Variants in LLGL2 observed in about 807,000 individuals in gnomAD.
The protein encoded by LLGL2 is LLGL2, scribble cell polarity complex component.
LLGL2 carries 81 observed loss-of-function variants against 123.2 expected under a neutral mutation model. That is an observed-to-expected ratio of 0.66 (90% CI 0.55 to 0.79). The LOEUF (loss-of-function observed/expected upper bound fraction) is 0.79. Among genes scored for constraint, LLGL2 ranks in the 30% least tolerant of loss-of-function variants. LLGL2 has a pLI of 0.00. For missense variants in LLGL2, 1,273 were observed against 1,414.6 expected (o/e 0.90, Z 1.61); for synonymous variants, 577 against 594.1 (o/e 0.97, Z 0.42).
At chr17:75,532,517 G>A (rs55691958) in intron 1 of LLGL2, 15,069 of 152,156 alleles carry the variant, frequency 0.099, 771 homozygotes, top group Non-Finnish European at 0.12. Flanking sequence ...TCTGCCTCCC[G>A]GGTTCAAGCA....
chr17:75,575,118 C>T lies in LLGL2; in HGVS notation c.*240C>T, dbSNP rs2055913412. 1.7e-6 allele frequency: 1 copy of T among 597,854 alleles called. No homozygotes were observed. The highest frequency in any genetic ancestry group is 3.0e-5 in the Admixed American group (1 of 33,890). 37.0% of individuals were successfully genotyped at this position (597,854 alleles called of 1,614,324 possible). On this transcript the variant is annotated 3_prime_UTR_variant, in exon 26 of 26. Transcript: ENST00000392550. Reference sequence around the variant, plus strand: ...CAATGTTGCACAGTTTTTATTGCTCCCATCCCTTTTTGTAGTGGGCTGGGT... The same window carrying T: ...CAATGTTGCACAGTTTTTATTGCTCTCATCCCTTTTTGTAGTGGGCTGGGT...
At chr17:75,548,881 T>C (rs2054546677) in intron 2 of LLGL2, among the ~76,000 whole-genome samples, 1 of 152,120 alleles carries the variant, frequency 6.6e-6, no homozygotes. Flanking sequence ...GGAGTGTAAT[T>C]GCTTCAAACG....
chr17:75,532,311 C>T (rs2053828941), intron 1 of LLGL2, among the ~76,000 whole-genome samples: 3 of 152,006 alleles, frequency 2.0e-5, no homozygotes, highest in African/African-American at 4.8e-5. Context: ...AGTACAGTGG[C>T]GCGATCTCAG....
chr17:75,571,026 AG>A lies in LLGL2; in HGVS notation c.2104del (p.Ala702LeufsTer22). 6.2e-7 allele frequency: 1 copy of A among 1,612,874 alleles called. No individual in the cohort carries two copies. The highest frequency in any genetic ancestry group is 8.5e-7 in the Non-Finnish European group (1 of 1,179,880). Reference protein sequence around the residue: ...MELAPVQRKIEARSAEDSFTG... With the variant: ...MELAPVQRKIXARSAEDSFTG... ...CTGGCGCCTGTGCAGCGCAAGATCGAGGCTCGCTCGGCAGAGGACTCCTTCA... is the reference window on the plus strand; with the variant it reads ...CTGGCGCCTGTGCAGCGCAAGATCGAGCTCGCTCGGCAGAGGACTCCTTCA... On this transcript the variant is annotated frameshift_variant, in exon 17 of 26. Coordinates refer to ENST00000392550, the MANE Select transcript of LLGL2 (RefSeq NM_001031803.2). LOFTEE classifies it high-confidence loss of function.
intron 1 of LLGL2, among the ~76,000 whole-genome samples, chr17:75,529,287 C>G (rs1376800295): frequency 6.6e-6 from 1 of 151,782 alleles, no homozygotes; most frequent in Admixed American, 6.5e-5. Flanking sequence ...ACCTCTGCCT[C>G]CCAGGTTCAA....
At chr17:75,542,143 T>C (rs7224904) in intron 1 of LLGL2, among the ~76,000 whole-genome samples, 136,080 of 151,848 alleles carry the variant, frequency 0.9, 61,387 homozygotes, top group Middle Eastern at 0.95. Context: ...CTGCCCAGAT[T>C]ACATGGGATC....
In LLGL2 at chr17:75,569,347, G is replaced by A; in HGVS notation, c.1581+22G>A. 5 of 1,579,860 alleles carry A rather than the reference G, an allele frequency of 3.2e-6. No homozygotes were observed. The South Asian group carries it at 4.4e-5, about 14-fold the overall frequency. ...GCAGGTAGCAGGCTGGGCTGGGGAGGGGGAGCTGGGGAGGAGTGGTCGATG... is the reference window on the plus strand; with the variant it reads ...GCAGGTAGCAGGCTGGGCTGGGGAGAGGGAGCTGGGGAGGAGTGGTCGATG... On this transcript the variant is annotated intron_variant, in intron 14 of 25. Transcript: ENST00000392550.
intron 2 of LLGL2, among the ~76,000 whole-genome samples, chr17:75,550,780 C>CAAAAAA (rs57482643): frequency 1.1e-5 from 1 of 94,676 alleles, no homozygotes; most frequent in African/African-American, 4.6e-5. Context: ...GACCCTGTCT[C>CAAAAAA]AAAAAAAAAA....
intron 21 of LLGL2, 101 bp downstream of exon 21, chr17:75,573,732 C>T (rs2055840756): frequency 1.5e-6 from 2 of 1,342,196 alleles, no homozygotes; most frequent in African/African-American, 1.5e-5. Context: ...GGCACCTCCC[C>T]ACGAGCTCAG....
chr17:75,543,591 T>TG, intron 2 of LLGL2, 90 bp downstream of exon 2: 1 of 1,005,744 alleles, frequency 9.9e-7, no homozygotes, highest in Non-Finnish European at 1.5e-6. Flanking sequence ...TGGATTAAGG[T>TG]ATAGCTCTTA....
In LLGL2 at chr17:75,569,267, A is replaced by G. The variant is rs1485480169; in HGVS notation, c.1523A>G (p.Gln508Arg). Residue 508 changes from glutamine (Q) to arginine (R), a missense_variant, in exon 14 of 26, where the codon CAG becomes CGG. Transcript: ENST00000392550. ...PYSDDPRLGI[Q>R]KIFLCKYSGY... ...AGTGATGACCCCCGGCTGGGCATCC[A>G]GAAGATCTTCCTCTGCAAGTACAGC... The G allele has an allele frequency of 4.3e-6, 7 of 1,613,546 alleles. No homozygotes were observed. The South Asian group carries it at 5.5e-5, about 13-fold the overall frequency.
In LLGL2 at chr17:75,558,256, A is replaced by T. The variant is rs1178458625; in HGVS notation, c.255+20A>T. 3.7e-6 allele frequency: 6 copies of T among 1,602,390 alleles called. No individual in the cohort carries two copies. The highest frequency in any genetic ancestry group is 1.7e-5 in the Admixed American group (1 of 59,950). On this transcript the variant is annotated intron_variant, in intron 4 of 25. Coordinates refer to ENST00000392550, the MANE Select transcript of LLGL2 (RefSeq NM_001031803.2). The surrounding 1 kb of genome is among the most constrained non-coding windows in gnomAD (Gnocchi z 4.0). ...GGCCAGGTGAGGGACCTGGGGTGGG[A>T]CAGGAAGCCACTTCCATGCCCTCCT...
chr17:75,568,300 A>C, intron 10 of LLGL2, 176 bp from the exon 11 acceptor site: 5 of 1,434,634 alleles, frequency 3.5e-6, no homozygotes, highest in Non-Finnish European at 4.5e-6. Flanking sequence ...ATGCAGAGCC[A>C]GGGCTACTGC....
rs2055892786 is a variant in LLGL2, at chr17:75,574,660, A to G, written c.3047A>G (p.Asn1016Ser). 6.2e-7 allele frequency: 1 copy of G among 1,611,660 alleles called. No individual in the cohort carries two copies. Among genetic ancestry groups the G allele is most frequent in the South Asian group, 1.1e-5 (1 of 91,026 alleles). The change falls in exon 25 of 26, where the codon AAT becomes AGT. Residue 1016 changes from asparagine to serine, a missense_variant. By Grantham distance (46) the Asn-to-Ser change is conservative. Transcript: ENST00000392550. ...HRAAVGCSLS[N>S]GGAE The stretch of plus-strand genomic sequence containing the variant: ...GCCGCCGTGGGGTGCAGCCTCAGCA[A>G]TGGCGGAGGTGGGGGCTCTGGGCTT...
Position 75,574,635 on chromosome 17 carries a change from G to T in LLGL2, c.3022G>T (p.Ala1008Ser). ...GAGCGGCAACTGGCGTTCACATCGAGCCGCCGTGGGGTGCAGCCTCAGCAA... is the reference window on the plus strand; with the variant it reads ...GAGCGGCAACTGGCGTTCACATCGATCCGCCGTGGGGTGCAGCCTCAGCAA... The part of the protein sequence containing the change: ...RGSGNWRSHR[A>S]AVGCSLSNGG... The change falls in exon 25 of 26, where the codon GCC (alanine) becomes TCC (serine). Residue 1008 changes from alanine to serine, a missense_variant. Coordinates refer to ENST00000392550, the MANE Select transcript of LLGL2 (RefSeq NM_001031803.2). 6.2e-7 allele frequency: 1 copy of T among 1,612,330 alleles called. No individual in the cohort carries two copies.
chr17:75,564,366 A>G lies in LLGL2; in HGVS notation c.895A>G (p.Ile299Val), dbSNP rs1486989000. 1 of 1,610,066 alleles carries G rather than the reference A, an allele frequency of 6.2e-7. No homozygotes were observed. ...LTTRQGLPFTIFQGGMPRASY... is the reference protein window; with the variant it reads ...LTTRQGLPFTVFQGGMPRASY... ...TGTGCCTGCCAGGTTGCCCTTCACC[A>G]TCTTCCAGGGTGGCATGCCACGGGC... The change falls in exon 10 of 26, where the codon ATC (isoleucine) becomes GTC (valine). Residue 299 changes from isoleucine (I) to valine (V), a missense_variant. Transcript: ENST00000392550. The surrounding 1 kb of genome is among the most constrained non-coding windows in gnomAD (Gnocchi z 4.9).
At chr17:75,540,077 G>A (rs1325575698) in intron 1 of LLGL2, among the ~76,000 whole-genome samples, 1 of 152,200 alleles carries the variant, frequency 6.6e-6, no homozygotes, top group Non-Finnish European at 1.5e-5. Flanking sequence ...GCTGTCTCTG[G>A]AGGCCATGTG....
chr17:75,572,664 CAAAAAAA>C (rs71161230), intron 19 of LLGL2, among the ~76,000 whole-genome samples: 3 of 83,356 alleles, frequency 3.6e-5, no homozygotes, highest in Non-Finnish European at 6.9e-5. Context: ...GATTCCGTCT[CAAAAAAA>C]AAAAAAAAAA....
rs574754081 is a variant in LLGL2 at position 75,549,932 on chromosome 17, G to T, written c.76-6114G>T. On this transcript the variant is annotated intron_variant, in intron 2 of 25. Transcript: ENST00000392550. The surrounding 1 kb of genome is among the most constrained non-coding windows in gnomAD (Gnocchi z 4.0). ...TACTCCAGGCTAACGTTGCAGTCTG[G>T]CGGCTTCTGCAAATCTTTGCTCTCC... 2.6e-5 allele frequency among the ~76,000 whole-genome samples: 4 copies of T among 152,346 alleles called. No individual in the cohort carries two copies. The highest frequency in any genetic ancestry group is 9.6e-5 in the African/African-American group (4 of 41,580).
Sources: allele counts gnomAD v4.1 joint callset (sites outside exome capture counted in the v4.1 genomes callset), GRCh38; gene constraint gnomAD v4.1.1; non-coding constraint Gnocchi (gnomAD v3.1); transcripts MANE v1.5; gene names NCBI Gene and HGNC (gene_info 2026-07-23, HGNC 2026-07-21).